The following GABBR2 variants were observed in gnomAD, a reference collection of about 807,000 sequenced individuals.
The protein encoded by GABBR2 is gamma-aminobutyric acid type B receptor subunit 2.
A neutral mutation model predicts 105.6 loss-of-function variants in GABBR2; 23 were observed. That is an observed-to-expected ratio of 0.22 (90% CI 0.16 to 0.31). The LOEUF is 0.31. Ranked by LOEUF, GABBR2 falls within the 10% of genes least tolerant of loss-of-function variation. The pLI, the probability that GABBR2 is intolerant of heterozygous loss-of-function variation, is 1.00. For synonymous variants in GABBR2, 478 were observed against 499.7 expected (o/e 0.96, Z 0.58); for missense variants, 734 against 1,245.5 (o/e 0.59, Z 6.18).
intron 3 of GABBR2, among the ~76,000 whole-genome samples, chr9:98,514,379 A>G (rs1827715258): frequency 9.2e-6 from 1 of 108,642 alleles, no homozygotes; most frequent in African/African-American, 3.2e-5. Context: ...CAATGTGCAC[A>G]TGTACCCTAA....
chr9:98,628,473 C>G (rs559766280), intron 1 of GABBR2, among the ~76,000 whole-genome samples: 15 of 152,310 alleles, frequency 9.8e-5, no homozygotes, highest in African/African-American at 3.4e-4. Context: ...CTCCGGGGCA[C>G]CATTTGGCTG....
At chr9:98,308,550 G>A (rs977352740) in intron 14 of GABBR2, among the ~76,000 whole-genome samples, 5 of 152,192 alleles carry the variant, frequency 3.3e-5, no homozygotes, top group Non-Finnish European at 7.3e-5. Context: ...GATCATCCTG[G>A]ATTATCTGGA....
intron 1 of GABBR2, among the ~76,000 whole-genome samples, chr9:98,616,993 A>G (rs1412306586): frequency 2.0e-5 from 3 of 152,186 alleles, no homozygotes; most frequent in East Asian, 3.8e-4. Flanking sequence ...TTCACTTTAA[A>G]TATCTACATT....
chr9:98,686,507 T>G (rs1830622651), intron 1 of GABBR2, among the ~76,000 whole-genome samples: 1 of 152,158 alleles, frequency 6.6e-6, no homozygotes, highest in Admixed American at 6.5e-5. Context: ...GTGATTCTCC[T>G]GCCTCAGCCT....
chr9:98,703,131 A>G (rs566492287), intron 1 of GABBR2, among the ~76,000 whole-genome samples: 1 of 152,350 alleles, frequency 6.6e-6, no homozygotes, highest in South Asian at 2.1e-4. Context: ...TTCTTACTGG[A>G]GTTTCTAAAC....
At chr9:98,623,081 C>T (rs1306786637) in intron 1 of GABBR2, among the ~76,000 whole-genome samples, 2 of 152,116 alleles carry the variant, frequency 1.3e-5, no homozygotes, top group East Asian at 3.9e-4. Context: ...CCCTACTTTC[C>T]TCTCATTTTT....
chr9:98,708,390 C>A, intron 1 of GABBR2, 27 bp downstream of exon 1: 1 of 1,357,678 alleles, frequency 7.4e-7, no homozygotes, highest in Non-Finnish European at 9.6e-7. Context: ...CCCGAAGCCC[C>A]GACGGCAGGG....
chr9:98,526,752 G>T (rs971087204), intron 3 of GABBR2, among the ~76,000 whole-genome samples: 6 of 152,068 alleles, frequency 3.9e-5, no homozygotes, highest in Non-Finnish European at 7.4e-5. Context: ...TACCAAATGG[G>T]TACAAGGAAA....
intron 13 of GABBR2, among the ~76,000 whole-genome samples, chr9:98,345,244 C>T (rs986862770): frequency 2.6e-5 from 4 of 152,200 alleles, no homozygotes; most frequent in Admixed American, 2.6e-4. Flanking sequence ...TCCAGCCTCG[C>T]CCCTCCATCT....
At position 98,306,190 on chromosome 9, in the gene GABBR2, C is replaced by T; in HGVS notation, c.2160G>A (p.Gln720=). 1 of 1,614,220 alleles carries T rather than the reference C, an allele frequency of 6.2e-7. No homozygotes were observed. Among genetic ancestry groups the T allele is most frequent in the Non-Finnish European group, 8.5e-7 (1 of 1,180,032 alleles). ...SFLTRDQPNV[Q]FCIVALVIIF... is the part of the protein sequence containing the mutation. ...TGATGACCAGAGCCACGATGCAGAA[C>T]TGCACATTGGGCTGGTCCCGGGTCA... is the stretch of plus-strand genomic sequence containing the variant. The change falls in exon 15 of 19, where the codon CAG becomes CAA. Residue 720 remains glutamine (Q), a synonymous_variant. Transcript: ENST00000259455. The surrounding 1 kb of genome is among the most constrained non-coding windows in gnomAD (Gnocchi z 5.4).
Position 98,373,199 on chromosome 9 carries a change from G to A in GABBR2, c.1663-1628C>T, listed in dbSNP as rs1831815729. 2.0e-5 allele frequency among the ~76,000 whole-genome samples: 3 copies of A among 152,186 alleles called. No homozygotes were observed. The South Asian group carries it at 6.2e-4, about 31-fold the overall frequency. On this transcript the variant is annotated intron_variant, in intron 11 of 18. Coordinates refer to ENST00000259455, the MANE Select transcript of GABBR2 (RefSeq NM_005458.8). Reference sequence around the variant, plus strand: ...CATCTGTCAGAGATGCATGGGACTTGACAGTTCATCTCATTCATTCACTCA... The same window carrying A: ...CATCTGTCAGAGATGCATGGGACTTAACAGTTCATCTCATTCATTCACTCA...
chr9:98,438,170 CCTAT>C (rs745851626), intron 7 of GABBR2, among the ~76,000 whole-genome samples: 45 of 120,006 alleles, frequency 3.7e-4, no homozygotes, highest in South Asian at 1.2e-3. Context: ...TATCCATCTA[CCTAT>C]CCATCCATCC....
At chr9:98,437,601 CTA>C (rs2131582689) in intron 7 of GABBR2, among the ~76,000 whole-genome samples, 1 of 151,782 alleles carries the variant, frequency 6.6e-6, no homozygotes, top group Admixed American at 6.6e-5. Context: ...ACTCATTCAT[CTA>C]TGTCTGTCCT....
At chr9:98,393,347 C>CCATCCATCCATCCATCCATCCATCCATT (rs1832228254) in intron 9 of GABBR2, among the ~76,000 whole-genome samples, 1 of 151,006 alleles carries the variant, frequency 6.6e-6, no homozygotes, top group Non-Finnish European at 1.5e-5. Flanking sequence ...ACCCAACCAT[C>CCATCCATCCATCCATCCATCCATCCATT]CATCCATCCA....
intron 8 of GABBR2, among the ~76,000 whole-genome samples, chr9:98,398,812 C>A (rs111510939): frequency 1.3e-5 from 2 of 152,200 alleles, no homozygotes; most frequent in African/African-American, 4.8e-5. Flanking sequence ...ACAAACAATA[C>A]GCTATTGCCA....
chr9:98,474,352 G>C (rs1243087333), intron 5 of GABBR2, among the ~76,000 whole-genome samples: 1 of 152,028 alleles, frequency 6.6e-6, no homozygotes, highest in African/African-American at 2.4e-5. Context: ...TTTTATATCA[G>C]GAAAATCATG....
At chr9:98,544,357 G>A (rs2131743232) in intron 2 of GABBR2, among the ~76,000 whole-genome samples, 1 of 152,260 alleles carries the variant, frequency 6.6e-6, no homozygotes, top group Non-Finnish European at 1.5e-5. Flanking sequence ...TAGAATTGCT[G>A]GATCTCCTAT....
intron 13 of GABBR2, among the ~76,000 whole-genome samples, chr9:98,360,167 C>T (rs1477234521): frequency 1.3e-5 from 2 of 152,146 alleles, no homozygotes; most frequent in African/African-American, 4.8e-5. Flanking sequence ...CAAGCCTAGG[C>T]TTTCTGTTTG....
chr9:98,571,081 A>G (rs1165327682), intron 2 of GABBR2, among the ~76,000 whole-genome samples: 2 of 152,226 alleles, frequency 1.3e-5, no homozygotes, highest in Non-Finnish European at 2.9e-5. Flanking sequence ...CAGACATAGC[A>G]AACACCCTGG....
Sources: allele counts gnomAD v4.1 joint callset (sites outside exome capture counted in the v4.1 genomes callset), GRCh38; gene constraint gnomAD v4.1.1; non-coding constraint Gnocchi (gnomAD v3.1); transcripts MANE v1.5; gene names NCBI Gene and HGNC (gene_info 2026-07-23, HGNC 2026-07-21).